SPOCD1: variants seen among roughly 807,000 people sequenced by gnomAD.
SPOCD1 encodes the protein SPOC domain containing 1.
Under a neutral mutation model 92.2 loss-of-function variants are expected in SPOCD1, and 64 were observed. The ratio of observed to expected loss-of-function variants is 0.69; its 90% CI spans 0.57 to 0.86. SPOCD1 has a LOEUF of 0.86. SPOCD1 is among the 40% of genes least tolerant of loss of function. The probability of loss-of-function intolerance (pLI) is 0.00; values close to 1 mark genes in which losing one functional copy is unlikely to be tolerated. For missense variants in SPOCD1, 1,360 were observed against 1,543.1 expected (o/e 0.88, Z 1.99); for synonymous variants, 578 against 619.3 (o/e 0.93, Z 0.99).
At position 31,799,414 on chromosome 1, in the gene SPOCD1, C is replaced by G; in HGVS notation, c.1855G>C (p.Val619Leu). Residue 619 changes from valine to leucine, a missense_variant, in exon 7 of 16, where the codon GTA (valine) becomes CTA (leucine). Transcript: ENST00000360482. Reference protein sequence around the residue: ...RGTVVRSMQEVLWTRLRELPD... With the variant: ...RGTVVRSMQELLWTRLRELPD... ...GCAAGGCCTCACCGAGTCCATAGTA[C>G]CTCCTGCATGGAACGGACAACAGTG... The G allele has an allele frequency of 6.2e-7, 1 of 1,610,290 alleles. No homozygotes were observed. Among genetic ancestry groups the G allele is most frequent in the Non-Finnish European group, 8.5e-7 (1 of 1,178,524 alleles).
chr1:31,799,527 G>T, intron 6 of SPOCD1, 42 bp from the exon 7 acceptor site: 1 of 1,547,582 alleles, frequency 6.5e-7, no homozygotes. Context: ...GGTGCCCAGG[G>T]GAAAGGGGAG....
Position 31,800,551 on chromosome 1 carries a change from G to T in SPOCD1, c.1492C>A (p.Pro498Thr), listed in dbSNP as rs1255582713. 1 of 1,611,352 alleles carries T rather than the reference G, an allele frequency of 6.2e-7. No homozygotes were observed. Among genetic ancestry groups the T allele is most frequent in the African/African-American group, 1.3e-5 (1 of 74,896 alleles). ...ISHGQAGGQL[P>T]PKLEVLEDLM... ...TCCTCTAGAACCTCCAGCTTTGGTG[G>T]CAGCTGCCCCCCTGCCTGGCCGTGG... Residue 498 changes from proline to threonine, a missense_variant, in exon 4 of 16, where the codon CCA becomes ACA. Around this residue, in one of 3 missense-constraint regions of SPOCD1, gnomAD observed 606 missense variants for 601.5 expected, o/e 1.01. Coordinates refer to ENST00000360482, the MANE Select transcript of SPOCD1 (RefSeq NM_144569.7).
At chr1:31,803,001 GA>G (rs1406622990) in intron 2 of SPOCD1, among the ~76,000 whole-genome samples, 110 of 105,268 alleles carry the variant, frequency 1.0e-3, no homozygotes, top group African/African-American at 3.2e-3. Flanking sequence ...GAAAGAGGCA[GA>G]AAAAAAAAAA....
At position 31,792,256 on chromosome 1, in the gene SPOCD1, A is replaced by T. The variant is rs1443272523; in HGVS notation, c.2921T>A (p.Phe974Tyr). ...GCGCAGCCTGGTGGGCAGGGGCTGG[A>T]AGGCAGGCAGGGGCAGCAGGACCAT... is the stretch of plus-strand genomic sequence containing the variant. ...MGMVLLPLPAFQPLPTRLRPL... is the reference protein window; with the variant it reads ...MGMVLLPLPAYQPLPTRLRPL... Residue 974 changes from phenylalanine (F) to tyrosine (Y), a missense_variant, in exon 15 of 16, where the codon TTC becomes TAC. Phe to Tyr is a conservative substitution (Grantham distance 22). This residue lies in a region of SPOCD1 where 614 missense variants were observed against 757.8 expected (regional missense o/e 0.81). Coordinates refer to ENST00000360482, the MANE Select transcript of SPOCD1 (RefSeq NM_144569.7). 6.2e-7 allele frequency: 1 copy of T among 1,612,560 alleles called. No individual in the cohort carries two copies. The highest frequency in any genetic ancestry group is 1.7e-5 in the Admixed American group (1 of 59,798).
At chr1:31,804,609 C>T (rs540771602) in intron 2 of SPOCD1, among the ~76,000 whole-genome samples, 1 of 152,160 alleles carries the variant, frequency 6.6e-6, no homozygotes, top group South Asian at 2.1e-4. Context: ...TGTTATTTTT[C>T]TTGATAATTT....
chr1:31,796,713 G>T lies in SPOCD1; in HGVS notation c.2148C>A (p.Gly716=). 1.2e-6 allele frequency: 2 copies of T among 1,614,186 alleles called. No individual in the cohort carries two copies. Among genetic ancestry groups the T allele is most frequent in the Non-Finnish European group, 1.7e-6 (2 of 1,180,038 alleles). Residue 716 remains glycine (G), a splice_region_variant and synonymous_variant, in exon 10 of 16, where the codon GGC becomes GGA. Transcript: ENST00000360482. ...TCTGTTGCTGCTCAATGATATTCAGGCCCTGAAGAGGTGGAGCAGGCCAAG... is the reference window on the plus strand; with the variant it reads ...TCTGTTGCTGCTCAATGATATTCAGTCCCTGAAGAGGTGGAGCAGGCCAAG... ...ARWRDQEEKR[G]LNIIEQQQKE... is the part of the protein sequence containing the mutation.
Position 31,814,562 on chromosome 1 carries a change from G to A in SPOCD1, c.772C>T (p.Pro258Ser). 6.6e-7 allele frequency: 1 copy of A among 1,526,412 alleles called. No homozygotes were observed. The highest frequency in any genetic ancestry group is 8.8e-7 in the Non-Finnish European group (1 of 1,136,540). 94.6% of individuals were successfully genotyped at this position (1,526,412 alleles called of 1,614,324 possible). Reference protein sequence around the residue: ...DLESLGGPCRPPSPKDTGSGP... With the variant: ...DLESLGGPCRSPSPKDTGSGP... ...GACCCAGTGTCTTTTGGAGAGGGAG[G>A]TCTGCAAGGGCCTCCCAAGGACTCC... The change falls in exon 2 of 16, where the codon CCT becomes TCT. Residue 258 changes from proline (P) to serine (S), a missense_variant. Coordinates refer to ENST00000360482, the MANE Select transcript of SPOCD1 (RefSeq NM_144569.7). This position sits in a 1 kb window ranked among gnomAD's most constrained non-coding sequence, Gnocchi z 4.2.
chr1:31,807,061 GACAAAAGCA>G (rs1291933166), intron 2 of SPOCD1, among the ~76,000 whole-genome samples: 1 of 151,314 alleles, frequency 6.6e-6, no homozygotes, highest in African/African-American at 2.4e-5. Context: ...AGGCAATAAA[GACAAAAGCA>G]ACAAAATATG....
Position 31,790,753 on chromosome 1 carries a change from C to T in SPOCD1, c.3501G>A (p.Leu1167=). The stretch of plus-strand genomic sequence containing the variant: ...GGATGGAGCTCTTGGTCTGGGGGCA[C>T]AGTAAGGCTTGGAGCTGGTGACTCA... ...ATMSHQLQAL[L]CPQTKSSIPR... The change falls in exon 16 of 16, where the codon CTG becomes CTA. Residue 1167 remains leucine (L), a synonymous_variant. Transcript: ENST00000360482. The T allele has an allele frequency of 6.4e-7, 1 of 1,551,840 alleles. No homozygotes were observed. Among genetic ancestry groups the T allele is most frequent in the Non-Finnish European group, 8.7e-7 (1 of 1,147,054 alleles).
intron 4 of SPOCD1, 49 bp downstream of exon 4, chr1:31,800,392 G>A: frequency 6.7e-7 from 1 of 1,500,354 alleles, no homozygotes; most frequent in Non-Finnish European, 9.0e-7. Context: ...TGAATCAGGT[G>A]TGAAGGTGCC....
At chr1:31,806,515 A>G (rs2149113139) in intron 2 of SPOCD1, among the ~76,000 whole-genome samples, 1 of 151,952 alleles carries the variant, frequency 6.6e-6, no homozygotes, top group East Asian at 1.9e-4. Flanking sequence ...TATCCAATAT[A>G]TTATCATTTC....
chr1:31,791,783 C>T (rs1647611539), intron 15 of SPOCD1, among the ~76,000 whole-genome samples: 1 of 152,196 alleles, frequency 6.6e-6, no homozygotes, highest in South Asian at 2.1e-4. Context: ...GGGGTGCCTA[C>T]CTTGAGAGGC....
In SPOCD1 at chr1:31,796,716, C is replaced by G; in HGVS notation, c.2146-1G>C. On this transcript the variant is annotated splice_acceptor_variant, in intron 9 of 15. Transcript: ENST00000360482. LOFTEE classifies it high-confidence loss of function. ...GTTGCTGCTCAATGATATTCAGGCC[C>G]TGAAGAGGTGGAGCAGGCCAAGCTG... The G allele has an allele frequency of 6.2e-7, 1 of 1,614,220 alleles. No homozygotes were observed. The highest frequency in any genetic ancestry group is 8.5e-7 in the Non-Finnish European group (1 of 1,180,040).
In SPOCD1 at chr1:31,804,209, T is replaced by C. The variant is rs181749081; in HGVS notation, c.1384-2504A>G. ...ATATTAGTTAATTTAATCCTCACCA[T>C]AATCTTATGAGGTACTGGTACTGTT... is the stretch of plus-strand genomic sequence containing the variant. On this transcript the variant is annotated intron_variant, in intron 2 of 15. Transcript: ENST00000360482. Among the ~76,000 whole-genome samples, 90 of 152,338 alleles carry C rather than the reference T, an allele frequency of 5.9e-4. 1 individual carries two copies. Among genetic ancestry groups the C allele is most frequent in the Non-Finnish European group, 9.3e-4 (63 of 68,028 alleles).
chr1:31,794,173 C>T lies in SPOCD1; in HGVS notation c.2334G>A (p.Thr778=), dbSNP rs767326329. 3.2e-5 allele frequency: 51 copies of T among 1,613,944 alleles called. No individual in the cohort carries two copies. The highest frequency in any genetic ancestry group is 6.7e-5 in the Admixed American group (4 of 59,994). ...CTAAGAAGTGGTGGTCATGCTGCCC[C>T]GTGGTGTCCTCTGATGCGATGGGCA... is the stretch of plus-strand genomic sequence containing the variant. ...QALPIASEDT[T]GQHDHHFLDP... Residue 778 remains threonine, a synonymous_variant, in exon 11 of 16, where the codon ACG becomes ACA. Coordinates refer to ENST00000360482, the MANE Select transcript of SPOCD1 (RefSeq NM_144569.7).
rs754593420 is a variant in SPOCD1, at chr1:31,814,813, G to C, written c.521C>G (p.Ser174Cys). 1.2e-6 allele frequency: 2 copies of C among 1,612,800 alleles called. No homozygotes were observed. The highest frequency in any genetic ancestry group is 1.7e-6 in the Non-Finnish European group (2 of 1,179,544). Reference sequence around the variant, plus strand: ...GGGGCTTCTTCTGTCACACCCTGGAGAACTCATTCCACCGTCTCTGGCCTC... The same window carrying C: ...GGGGCTTCTTCTGTCACACCCTGGACAACTCATTCCACCGTCTCTGGCCTC... ...PREARDGGMS[S>C]PGCDRRSPTL... is the part of the protein sequence containing the mutation. Residue 174 changes from serine to cysteine, a missense_variant, in exon 2 of 16, where the codon TCT becomes TGT. Physicochemically the swap from Ser to Cys is moderately radical, Grantham distance 112 (BLOSUM62 -1). Transcript: ENST00000360482. This position sits in a 1 kb window ranked among gnomAD's most constrained non-coding sequence, Gnocchi z 4.2.
Position 31,814,582 on chromosome 1 carries a change from G to A in SPOCD1, c.752C>T (p.Ser251Phe). ...GDPPQVADLESLGGPCRPPSP... is the reference protein window; with the variant it reads ...GDPPQVADLEFLGGPCRPPSP... ...GGGAGGTCTGCAAGGGCCTCCCAAG[G>A]ACTCCAGGTCAGCAACTTGGGGAGG... is the stretch of plus-strand genomic sequence containing the variant. The change falls in exon 2 of 16, where the codon TCC (serine) becomes TTC (phenylalanine). Residue 251 changes from serine to phenylalanine, a missense_variant. This residue lies in a region of SPOCD1 where 606 missense variants were observed against 601.5 expected (regional missense o/e 1.01). Coordinates refer to ENST00000360482, the MANE Select transcript of SPOCD1 (RefSeq NM_144569.7). This position sits in a 1 kb window ranked among gnomAD's most constrained non-coding sequence, Gnocchi z 4.2. 5 of 1,528,792 alleles carry A rather than the reference G, an allele frequency of 3.3e-6. No individual in the cohort carries two copies. The highest frequency in any genetic ancestry group is 4.4e-6 in the Non-Finnish European group (5 of 1,138,148). The allele number at this position is 1,528,792 out of a possible 1,614,324, so 94.7% of individuals were successfully genotyped here. A position where few individuals can be genotyped will look rare whatever the true frequency, so the allele number is the denominator to read the frequency against.
intron 2 of SPOCD1, among the ~76,000 whole-genome samples, chr1:31,810,246 G>T (rs1649111585): frequency 6.6e-6 from 1 of 152,118 alleles, no homozygotes; most frequent in South Asian, 2.1e-4. Context: ...TGCAGGACTG[G>T]AGTCAAACCC....
intron 10 of SPOCD1, chr1:31,796,243 C>T (rs1648009815): frequency 2.6e-6 from 1 of 383,410 alleles, no homozygotes; most frequent in South Asian, 2.2e-5. Context: ...CTGAAAAAGT[C>T]ACTGCCTGGA....
Sources: allele counts gnomAD v4.1 joint callset (sites outside exome capture counted in the v4.1 genomes callset), GRCh38; gene constraint gnomAD v4.1.1; regional missense constraint gnomAD v4.1.1; non-coding constraint Gnocchi (gnomAD v3.1); transcripts MANE v1.5; gene names NCBI Gene and HGNC (gene_info 2026-07-23, HGNC 2026-07-21).